Variants in LRP1B observed in about 807,000 individuals in gnomAD.
LRP1B encodes the protein LDL receptor related protein 1B.
LRP1B carries 217 observed loss-of-function variants against 556.6 expected under a neutral mutation model. The observed-to-expected ratio is 0.39, with a 90% CI of 0.35 to 0.44. LRP1B has a LOEUF of 0.44. Among genes scored for constraint, LRP1B ranks in the 20% least tolerant of loss-of-function variants. The pLI is 1.00. For synonymous variants in LRP1B, 2,047 were observed against 1,865.8 expected, an observed-to-expected ratio of 1.10 and a Z score of -2.50; for missense variants, 5,053 against 5,620.8, an observed-to-expected ratio of 0.90 and a Z score of 3.23.
chr2:141,458,163 T>C lies in LRP1B; in HGVS notation c.343+22233A>G, dbSNP rs140436702. ...TCTTATTTTAAAGAAATGACAATAGTGGGTCCCTCCCTTATTTAGCCGAGG... is the reference window on the plus strand; with the variant it reads ...TCTTATTTTAAAGAAATGACAATAGCGGGTCCCTCCCTTATTTAGCCGAGG... On this transcript the variant is annotated intron_variant, in intron 3 of 90. Transcript: ENST00000389484. 6.1e-3 allele frequency among the ~76,000 whole-genome samples: 929 copies of C among 152,292 alleles called. 10 individuals are homozygous for C. The highest frequency in any genetic ancestry group is 0.035 in the South Asian group (169 of 4,832).
chr2:141,444,604 A>G (rs1056394753), intron 3 of LRP1B, among the ~76,000 whole-genome samples: 1 of 152,150 alleles, frequency 6.6e-6, no homozygotes, highest in Non-Finnish European at 1.5e-5. Flanking sequence ...ATGTTCCATC[A>G]GTGCTTAGTT....
At chr2:142,113,444 G>C (rs1707072178) in intron 1 of LRP1B, among the ~76,000 whole-genome samples, 1 of 150,528 alleles carries the variant, frequency 6.6e-6, no homozygotes, top group Non-Finnish European at 1.5e-5. Context: ...AGAAGAATCA[G>C]AGTTTTTAGA....
chr2:141,549,678 C>T (rs1024278975), intron 2 of LRP1B, among the ~76,000 whole-genome samples: 1 of 152,110 alleles, frequency 6.6e-6, no homozygotes, highest in Non-Finnish European at 1.5e-5. Context: ...AAAGCAAAAA[C>T]AAGTTTCTTT....
At position 140,314,826 on chromosome 2, in the gene LRP1B, T is replaced by A. The variant is rs1573776075; in HGVS notation, c.12805+109A>T. 1.8e-5 allele frequency: 13 copies of A among 714,378 alleles called. No individual in the cohort carries two copies. In the East Asian group the frequency reaches 3.7e-4, roughly 20 times the overall value. The allele number at this position is 714,378 out of a possible 1,614,324, so 44.3% of individuals were successfully genotyped here. A position where few individuals can be genotyped will look rare whatever the true frequency, so the allele number is the denominator to read the frequency against. On this transcript the variant is annotated intron_variant, in intron 83 of 90. Transcript: ENST00000389484. ...TTTGTGTTATTATATTGTGTTAGTC[T>A]ATTGTTCATTAAGATATTAGGAAGT... is the stretch of plus-strand genomic sequence containing the variant.
At chr2:141,072,811 C>A (rs891349751) in intron 7 of LRP1B, among the ~76,000 whole-genome samples, 3 of 152,016 alleles carry the variant, frequency 2.0e-5, no homozygotes, top group Non-Finnish European at 4.4e-5. Flanking sequence ...AAAGGCAAAT[C>A]CTTTGTTTTC....
At chr2:141,539,248 C>T (rs1246950544) in intron 2 of LRP1B, among the ~76,000 whole-genome samples, 4 of 151,950 alleles carry the variant, frequency 2.6e-5, no homozygotes, top group African/African-American at 7.3e-5. Flanking sequence ...ACAGTGGTGC[C>T]GGCTGTTTTT....
chr2:141,193,753 T>C lies in LRP1B; in HGVS notation c.851-5170A>G, dbSNP rs181613027. 8.6e-5 allele frequency among the ~76,000 whole-genome samples: 13 copies of C among 151,434 alleles called. No individual in the cohort carries two copies. In the East Asian group the frequency reaches 2.3e-3, roughly 27 times the overall value. On this transcript the variant is annotated intron_variant, in intron 6 of 90. Coordinates refer to ENST00000389484, the MANE Select transcript of LRP1B (RefSeq NM_018557.3). ...AAGTTAGAAAAAAAAACCCACAAAA[T>C]TGAGAAAGTCAAATCTTGCTTAAAA...
At chr2:140,951,514 A>G (rs1460677039) in intron 19 of LRP1B, among the ~76,000 whole-genome samples, 1 of 152,206 alleles carries the variant, frequency 6.6e-6, no homozygotes, top group Non-Finnish European at 1.5e-5. Flanking sequence ...ATAGCAATGT[A>G]TAAGCTTCTC....
chr2:140,888,027 A>G (rs1693690910), intron 23 of LRP1B, among the ~76,000 whole-genome samples: 1 of 152,180 alleles, frequency 6.6e-6, no homozygotes, highest in Admixed American at 6.6e-5. Flanking sequence ...TATGTAAATT[A>G]TATCTCAATA....
intron 2 of LRP1B, among the ~76,000 whole-genome samples, chr2:141,661,331 G>A (rs1344897083): frequency 6.6e-6 from 1 of 152,172 alleles, no homozygotes; most frequent in Non-Finnish European, 1.5e-5. Context: ...AGGCTGAGAT[G>A]GATAAATTTG....
At chr2:141,213,037 G>T (rs1301974185) in intron 6 of LRP1B, among the ~76,000 whole-genome samples, 1 of 151,962 alleles carries the variant, frequency 6.6e-6, no homozygotes, top group Admixed American at 6.6e-5. Context: ...TTCAATCATG[G>T]CTCACTGCAG....
intron 7 of LRP1B, among the ~76,000 whole-genome samples, chr2:141,166,282 C>T (rs1275765219): frequency 5.3e-5 from 8 of 151,734 alleles, no homozygotes; most frequent in African/African-American, 1.9e-4. Flanking sequence ...TCCTTCCCAT[C>T]GTTTTATTGT....
chr2:141,816,746 A>G (rs775743544), intron 1 of LRP1B, among the ~76,000 whole-genome samples: 5 of 152,050 alleles, frequency 3.3e-5, no homozygotes, highest in African/African-American at 4.8e-5. Flanking sequence ...CAATACTCAC[A>G]TGTATATAGA....
chr2:142,013,902 T>C (rs13402221), intron 1 of LRP1B, among the ~76,000 whole-genome samples: 18,073 of 152,126 alleles, frequency 0.12, 1,139 homozygotes, highest in Non-Finnish European at 0.13. Context: ...TTTAATGGAA[T>C]GAATTAATGT....
chr2:140,532,952 A>ATATATATCTATATC (rs1690781926), intron 47 of LRP1B, among the ~76,000 whole-genome samples: 1 of 141,442 alleles, frequency 7.1e-6, no homozygotes, highest in Admixed American at 7.0e-5. Context: ...ATATATACAC[A>ATATATATCTATATC]TATATATCTC....
intron 7 of LRP1B, among the ~76,000 whole-genome samples, chr2:141,128,679 GGC>G (rs149985514): frequency 0.024 from 3,697 of 152,260 alleles, 151 homozygotes; most frequent in African/African-American, 0.084. Flanking sequence ...GGAGTGCGAT[GGC>G]GTGATCTTGG....
At chr2:141,988,187 T>C (rs1463062934) in intron 1 of LRP1B, among the ~76,000 whole-genome samples, 1 of 152,056 alleles carries the variant, frequency 6.6e-6, no homozygotes, top group East Asian at 1.9e-4. Flanking sequence ...ACCCTGCTGT[T>C]ACAAATGAAG....
Position 142,098,370 on chromosome 2 carries a change from A to C in LRP1B, c.82+32278T>G, listed in dbSNP as rs1218672825. On this transcript the variant is annotated intron_variant, in intron 1 of 90. Coordinates refer to ENST00000389484, the MANE Select transcript of LRP1B (RefSeq NM_018557.3). The stretch of plus-strand genomic sequence containing the variant: ...AATGTTTACAATACTTCAAAGTGTA[A>C]TGTTGCATTAAAAATATATATTTGA... Among the ~76,000 whole-genome samples the C allele has an allele frequency of 4.0e-5, 6 of 151,812 alleles. 1 individual carries two copies. The highest frequency in any genetic ancestry group is 3.3e-4 in the Admixed American group (5 of 15,188).
At chr2:141,779,982 C>A (rs952931667) in intron 2 of LRP1B, among the ~76,000 whole-genome samples, 8 of 150,762 alleles carry the variant, frequency 5.3e-5, no homozygotes, top group Non-Finnish European at 7.4e-5. Context: ...TCCCAAGTCA[C>A]TGTCTTTGGT....
Sources: allele counts gnomAD v4.1 joint callset (sites outside exome capture counted in the v4.1 genomes callset), GRCh38; gene constraint gnomAD v4.1.1; transcripts MANE v1.5; gene names NCBI Gene and HGNC (gene_info 2026-07-23, HGNC 2026-07-21).